The following AGBL4 variants were observed in gnomAD, a reference collection of about 807,000 sequenced individuals.
AGBL4 encodes the protein AGBL carboxypeptidase 4, also known as cytosolic carboxypeptidase 6.
AGBL4 carries 58 observed loss-of-function variants against 66.4 expected under a neutral mutation model. The ratio of observed to expected loss-of-function variants is 0.87; its 90% CI spans 0.71 to 1.09. The LOEUF is 1.09. AGBL4 is among the 50% of genes least tolerant of loss of function. AGBL4 has a pLI of 0.00. For synonymous variants in AGBL4, 234 were observed against 222.9 expected, an observed-to-expected ratio of 1.05 and a Z score of -0.44; for missense variants, 579 against 631.0, an observed-to-expected ratio of 0.92 and a Z score of 0.88.
At chr1:49,366,502 G>A (rs1346500684) in intron 3 of AGBL4, among the ~76,000 whole-genome samples, 25 of 152,156 alleles carry the variant, frequency 1.6e-4, no homozygotes, top group Admixed American at 1.6e-3. Flanking sequence ...TAGGGGTGTA[G>A]GAGTTATAAC....
At chr1:49,388,740 T>C (rs1441787224) in intron 3 of AGBL4, among the ~76,000 whole-genome samples, 1 of 152,128 alleles carries the variant, frequency 6.6e-6, no homozygotes, top group African/African-American at 2.4e-5. Context: ...GTGTAAATTG[T>C]AGAACCAAAC....
At position 49,541,526 on chromosome 1, in the gene AGBL4, C is replaced by A. The variant is rs546778263; in HGVS notation, c.282+155787G>T. On this transcript the variant is annotated intron_variant, in intron 3 of 13. Transcript: ENST00000371839. Reference sequence around the variant, plus strand: ...AGGTCCCCCAGCAGTGCCGGCCTGCCGGTGCTGTGCTCGAATTCTCACTGG... The same window carrying A: ...AGGTCCCCCAGCAGTGCCGGCCTGCAGGTGCTGTGCTCGAATTCTCACTGG... Among the ~76,000 whole-genome samples, 4 of 152,322 alleles carry A rather than the reference C, an allele frequency of 2.6e-5. No homozygotes were observed. In the South Asian group the frequency reaches 8.3e-4, roughly 32 times the overall value.
At chr1:49,873,368 T>C (rs1012759736) in intron 1 of AGBL4, among the ~76,000 whole-genome samples, 29 of 152,110 alleles carry the variant, frequency 1.9e-4, no homozygotes, top group African/African-American at 7.0e-4. Flanking sequence ...CAAAATGCTT[T>C]CTCTGGGAGA....
At chr1:49,360,984 G>A (rs959785477) in intron 3 of AGBL4, among the ~76,000 whole-genome samples, 4 of 151,878 alleles carry the variant, frequency 2.6e-5, no homozygotes, top group African/African-American at 9.7e-5. Flanking sequence ...TTTTAATAAA[G>A]AAAGAGTTTC....
intron 1 of AGBL4, among the ~76,000 whole-genome samples, chr1:49,857,331 C>T (rs1646460783): frequency 6.6e-6 from 1 of 152,070 alleles, no homozygotes; most frequent in African/African-American, 2.4e-5. Flanking sequence ...TAATCCCTTT[C>T]AAAATACAAT....
chr1:49,071,462 T>A (rs938237161), intron 4 of AGBL4, among the ~76,000 whole-genome samples: 4 of 152,000 alleles, frequency 2.6e-5, no homozygotes, highest in Non-Finnish European at 5.9e-5. Flanking sequence ...CTCACTGGTT[T>A]CAAAGGACAT....
At chr1:49,661,795 T>C (rs1646274514) in intron 3 of AGBL4, among the ~76,000 whole-genome samples, 1 of 152,102 alleles carries the variant, frequency 6.6e-6, no homozygotes, top group South Asian at 2.1e-4. Flanking sequence ...AAGTTATAAA[T>C]ATATCTATCA....
At chr1:48,761,843 A>G (rs781664387) in intron 6 of AGBL4, among the ~76,000 whole-genome samples, 4 of 152,114 alleles carry the variant, frequency 2.6e-5, no homozygotes, top group Non-Finnish European at 5.9e-5. Flanking sequence ...CCTCAACTCA[A>G]CTGAGATCTT....
At chr1:49,143,207 T>C (rs909775216) in intron 4 of AGBL4, among the ~76,000 whole-genome samples, 9 of 152,284 alleles carry the variant, frequency 5.9e-5, no homozygotes, top group Middle Eastern at 3.4e-3. Flanking sequence ...CATACTGAAC[T>C]TGTTGCTTGT....
intron 3 of AGBL4, among the ~76,000 whole-genome samples, chr1:49,307,449 T>G (rs1644867457): frequency 6.6e-6 from 1 of 152,204 alleles, no homozygotes; most frequent in African/African-American, 2.4e-5. Context: ...GGTTTCTTTA[T>G]TTGTAAAATG....
chr1:49,321,516 G>T (rs1335372096), intron 3 of AGBL4, among the ~76,000 whole-genome samples: 5 of 152,066 alleles, frequency 3.3e-5, no homozygotes. Flanking sequence ...GAAACTATAT[G>T]GCAGCCTCTA....
chr1:48,679,565 T>A (rs1287210922), intron 6 of AGBL4, among the ~76,000 whole-genome samples: 1 of 152,126 alleles, frequency 6.6e-6, no homozygotes, highest in Non-Finnish European at 1.5e-5. Context: ...TGATTTCTTT[T>A]AATTCTCACA....
chr1:50,019,224 T>C (rs1426087232), intron 1 of AGBL4, among the ~76,000 whole-genome samples: 1 of 151,730 alleles, frequency 6.6e-6, no homozygotes, highest in Non-Finnish European at 1.5e-5. Flanking sequence ...CCTCTTCTTT[T>C]AAAGGTGATT....
intron 1 of AGBL4, among the ~76,000 whole-genome samples, chr1:49,908,476 C>G (rs374191719): frequency 1.3e-5 from 2 of 152,356 alleles, no homozygotes; most frequent in African/African-American, 4.8e-5. Context: ...TGCTTGCTCC[C>G]ACTTTGCCTT....
intron 4 of AGBL4, among the ~76,000 whole-genome samples, chr1:49,137,933 C>A (rs1440894157): frequency 6.6e-6 from 1 of 151,842 alleles, no homozygotes; most frequent in African/African-American, 2.4e-5. Context: ...ATTGAAGCTG[C>A]CTGAAAGAAA....
intron 1 of AGBL4, among the ~76,000 whole-genome samples, chr1:49,882,197 T>C (rs1160394237): frequency 1.3e-5 from 2 of 151,006 alleles, no homozygotes; most frequent in African/African-American, 2.4e-5. Flanking sequence ...CAGATAGTTG[T>C]AGATATGCGG....
At chr1:49,394,671 A>G (rs1229604392) in intron 3 of AGBL4, among the ~76,000 whole-genome samples, 1 of 152,190 alleles carries the variant, frequency 6.6e-6, no homozygotes, top group Admixed American at 6.5e-5. Flanking sequence ...GCAAAGATAT[A>G]TTTGGTGCAA....
chr1:48,908,952 T>G (rs578087819), intron 5 of AGBL4, among the ~76,000 whole-genome samples: 1 of 152,106 alleles, frequency 6.6e-6, no homozygotes, highest in Non-Finnish European at 1.5e-5. Flanking sequence ...GGACTAGTTT[T>G]TGCATCTACT....
At chr1:49,574,224 TA>T (rs1644391238) in intron 3 of AGBL4, among the ~76,000 whole-genome samples, 1 of 152,192 alleles carries the variant, frequency 6.6e-6, no homozygotes, top group South Asian at 2.1e-4. Context: ...GAATGGATTT[TA>T]AGGGTATGGG....
Sources: allele counts gnomAD v4.1 joint callset (sites outside exome capture counted in the v4.1 genomes callset), GRCh38; gene constraint gnomAD v4.1.1; transcripts MANE v1.5; gene names NCBI Gene and HGNC (gene_info 2026-07-23, HGNC 2026-07-21).